Variants in EIF2AK4 observed in about 807,000 individuals in gnomAD.
The protein encoded by EIF2AK4 is eukaryotic translation initiation factor 2 alpha kinase 4.
EIF2AK4 carries 139 observed loss-of-function variants against 211.1 expected under a neutral mutation model. The ratio of observed to expected loss-of-function variants is 0.66; its 90% confidence interval spans 0.57 to 0.76. The LOEUF (loss-of-function observed/expected upper bound fraction) is 0.76, where lower values mean the gene tolerates loss of function less well. Ranked by LOEUF, EIF2AK4 falls within the 30% of genes least tolerant of loss-of-function variation. EIF2AK4 has a pLI of 0.00. For missense variants in EIF2AK4, 1,664 were observed against 2,043.8 expected (o/e 0.81, Z 3.58); for synonymous variants, 710 against 751.3 (o/e 0.94, Z 0.90).
rs754666658 is a variant in EIF2AK4, at chr15:39,953,863, T to C, written c.514-41T>C. 15 of 1,588,002 alleles carry C rather than the reference T, an allele frequency of 9.4e-6. No homozygotes were observed. In the South Asian group the frequency reaches 1.7e-4, roughly 18 times the overall value. On this transcript the variant is annotated intron_variant, in intron 4 of 38. Coordinates refer to ENST00000263791, the MANE Select transcript of EIF2AK4 (RefSeq NM_001013703.4). ...TTCCATAATTTATATGTTGTATGGG[T>C]TTCAGAGATTGGCATTTGATGATGG... is the stretch of plus-strand genomic sequence containing the variant.
At chr15:40,009,562 G>T in intron 25 of EIF2AK4, 52 bp from the exon 26 acceptor site, 1 of 1,154,290 alleles carries the variant, frequency 8.7e-7, no homozygotes, top group South Asian at 1.4e-5. Context: ...ATTTGGTCAT[G>T]TACCAGTAAT....
rs781092853 is a variant in EIF2AK4, at chr15:39,992,218, C to T, written c.2675C>T (p.Ser892Leu). The change falls in exon 17 of 39, where the codon TCA (serine) becomes TTA (leucine). Residue 892 changes from serine to leucine, a missense_variant. Coordinates refer to ENST00000263791, the MANE Select transcript of EIF2AK4 (RefSeq NM_001013703.4). The stretch of plus-strand genomic sequence containing the variant: ...GATCAGACAGGAGACTTGATTAAGT[C>T]AGACCCTTCAGGTAAACCCAGAAGA... The part of the protein sequence containing the change: ...QDDQTGDLIK[S>L]DPSGHLTGMV... 1.2e-6 allele frequency: 2 copies of T among 1,611,302 alleles called. No homozygotes were observed. The highest frequency in any genetic ancestry group is 1.7e-6 in the Non-Finnish European group (2 of 1,178,710).
chr15:39,990,921 C>T (rs914163607), intron 16 of EIF2AK4, among the ~76,000 whole-genome samples: 26 of 152,180 alleles, frequency 1.7e-4, no homozygotes, highest in African/African-American at 5.8e-4. Context: ...CCGGGGTAAG[C>T]AGACTTGGCT....
In EIF2AK4 at chr15:40,022,637, T is replaced by C. The variant is rs371892376; in HGVS notation, c.4389+32T>C. 45 of 1,601,362 alleles carry C rather than the reference T, an allele frequency of 2.8e-5. No homozygotes were observed. The African/African-American group carries it at 5.8e-4, about 20-fold the overall frequency. On this transcript the variant is annotated intron_variant, in intron 32 of 38. Coordinates refer to ENST00000263791, the MANE Select transcript of EIF2AK4 (RefSeq NM_001013703.4). The stretch of plus-strand genomic sequence containing the variant: ...ACGTCAGAGATTTTTTACAATTCAA[T>C]AGTTAGGTGTTACCTGTGGAGCACC...
rs754671409 is a variant in EIF2AK4 at position 39,976,768 on chromosome 15, GCCA to G, written c.2176_2178del (p.Thr726del). The G allele has an allele frequency of 1.9e-6, 3 of 1,594,306 alleles. No individual in the cohort carries two copies. The highest frequency in any genetic ancestry group is 8.5e-7 in the Non-Finnish European group (1 of 1,173,450). ...GCGCTCGGCCAGTGCCCGTTTCCCC[GCCA>G]CCGGCCCGGGCTCCAGCGATGACGA... On this transcript the variant is annotated inframe_deletion, in exon 12 of 39. Coordinates refer to ENST00000263791, the MANE Select transcript of EIF2AK4 (RefSeq NM_001013703.4).
intron 31 of EIF2AK4, 39 bp from the exon 32 acceptor site, chr15:40,022,480 C>T: frequency 1.9e-6 from 3 of 1,539,604 alleles, no homozygotes; most frequent in Non-Finnish European, 1.8e-6. Context: ...GTTCCAGGTG[C>T]TCTGTGTTTA....
intron 26 of EIF2AK4, among the ~76,000 whole-genome samples, chr15:40,010,515 A>G (rs1034113133): frequency 1.3e-5 from 2 of 152,164 alleles, no homozygotes; most frequent in East Asian, 3.8e-4. Context: ...TTAGTGTTAT[A>G]TTATGATGCT....
intron 1 of EIF2AK4, among the ~76,000 whole-genome samples, chr15:39,935,877 AC>A (rs1425451960): frequency 6.6e-6 from 1 of 152,182 alleles, no homozygotes; most frequent in East Asian, 1.9e-4. Flanking sequence ...GTTATTTTTA[AC>A]CTGAAATGGT....
chr15:39,962,741 A>G (rs1188953345), intron 7 of EIF2AK4, among the ~76,000 whole-genome samples: 3 of 152,158 alleles, frequency 2.0e-5, no homozygotes, highest in African/African-American at 4.8e-5. Flanking sequence ...AGTTTTGTCT[A>G]CTCGTGGCTG....
At chr15:39,938,578 C>T (rs1356500078) in intron 1 of EIF2AK4, among the ~76,000 whole-genome samples, 1 of 152,100 alleles carries the variant, frequency 6.6e-6, no homozygotes, top group African/African-American at 2.4e-5. Context: ...GCCCTGCCTG[C>T]CAGGACATTC....
Position 39,976,762 on chromosome 15 carries a change from T to C in EIF2AK4, c.2167T>C (p.Phe723Leu). 6.3e-7 allele frequency: 1 copy of C among 1,596,484 alleles called. No individual in the cohort carries two copies. Among genetic ancestry groups the C allele is most frequent in the Non-Finnish European group, 8.5e-7 (1 of 1,174,510 alleles). ...GGGCGAGCGCTCGGCCAGTGCCCGTTTCCCCGCCACCGGCCCGGGCTCCAG... is the reference window on the plus strand; with the variant it reads ...GGGCGAGCGCTCGGCCAGTGCCCGTCTCCCCGCCACCGGCCCGGGCTCCAG... ...TSGERSASARFPATGPGSSDD... is the reference protein window; with the variant it reads ...TSGERSASARLPATGPGSSDD... Residue 723 changes from phenylalanine to leucine, a missense_variant, in exon 12 of 39, where the codon TTC (phenylalanine) becomes CTC (leucine). Physicochemically the swap from Phe to Leu is conservative, Grantham distance 22. Transcript: ENST00000263791.
chr15:39,979,070 A>G (rs56319775), intron 13 of EIF2AK4, among the ~76,000 whole-genome samples: 15,181 of 152,308 alleles, frequency 0.1, 881 homozygotes, highest in Middle Eastern at 0.25. Flanking sequence ...GGTAATTTCA[A>G]TGTAACTCTG....
rs1328037723 is a variant in EIF2AK4 at position 40,035,040 on chromosome 15, T to C, written c.4906T>C (p.Phe1636Leu). ...IKVEKKVSVL[F>L]LYSYRDDYYR... Reference sequence around the variant, plus strand: ...TTTCTTTTGCAGGGTGTCTGTGCTATTTCTGTACAGCTATAGAGATGACTA... The same window carrying C: ...TTTCTTTTGCAGGGTGTCTGTGCTACTTCTGTACAGCTATAGAGATGACTA... Residue 1636 changes from phenylalanine to leucine, a missense_variant, in exon 39 of 39, where the codon TTT becomes CTT. Around this residue, in one of 7 missense-constraint regions of EIF2AK4, gnomAD observed 138 missense variants for 165.1 expected, o/e 0.84. Transcript: ENST00000263791. 1.3e-6 allele frequency: 2 copies of C among 1,584,300 alleles called. No homozygotes were observed. The highest frequency in any genetic ancestry group is 8.6e-7 in the Non-Finnish European group (1 of 1,166,568).
chr15:40,015,081 A>G (rs2140941879), intron 27 of EIF2AK4, among the ~76,000 whole-genome samples: 1 of 152,318 alleles, frequency 6.6e-6, no homozygotes, highest in East Asian at 1.9e-4. Flanking sequence ...CATCATTATC[A>G]GCATTTTGGT....
At chr15:39,991,415 G>A (rs1409733646) in intron 16 of EIF2AK4, 1 of 152,258 alleles carries the variant, frequency 6.6e-6, no homozygotes, top group Non-Finnish European at 1.5e-5. Flanking sequence ...GAATCTCACT[G>A]ACCTGGACTA....
Position 39,997,362 on chromosome 15 carries a change from A to G in EIF2AK4, c.2868+297A>G, listed in dbSNP as rs568700786. 3.3e-5 allele frequency among the ~76,000 whole-genome samples: 5 copies of G among 152,350 alleles called. No individual in the cohort carries two copies. The East Asian group carries it at 9.6e-4, about 29-fold the overall frequency. ...ACTGGTCTCTCCACTATGTTTCCAC[A>G]GTGAGGTAAATGGAACCCTACCTCT... On this transcript the variant is annotated intron_variant, in intron 19 of 38. Coordinates refer to ENST00000263791, the MANE Select transcript of EIF2AK4 (RefSeq NM_001013703.4).
chr15:39,967,265 A>G, intron 8 of EIF2AK4, 79 bp from the exon 9 acceptor site: 4 of 1,448,788 alleles, frequency 2.8e-6, no homozygotes, highest in East Asian at 2.4e-5. Context: ...TTGTATGATC[A>G]AATACTTCAC....
chr15:40,030,362 T>G lies in EIF2AK4; in HGVS notation c.4565T>G (p.Leu1522Trp). ...LKGSFSNASGLFEIHGATVVP... is the reference protein window; with the variant it reads ...LKGSFSNASGWFEIHGATVVP... ...TCTGAAACTCTCTTGGTCTCAGGTT[T>G]GTTTGAAATCCATGGAGCAACAGTG... The change falls in exon 35 of 39, where the codon TTG (leucine) becomes TGG (tryptophan). Residue 1522 changes from leucine to tryptophan, a missense_variant. Around this residue, in one of 7 missense-constraint regions of EIF2AK4, gnomAD observed 138 missense variants for 165.1 expected, o/e 0.84. Transcript: ENST00000263791. 1 of 1,613,984 alleles carries G rather than the reference T, an allele frequency of 6.2e-7. No homozygotes were observed. The highest frequency in any genetic ancestry group is 8.5e-7 in the Non-Finnish European group (1 of 1,179,962).
intron 31 of EIF2AK4, chr15:40,021,966 AAC>A (rs1294647393): frequency 1.3e-5 from 2 of 152,200 alleles, no homozygotes; most frequent in African/African-American, 4.8e-5. Context: ...CATTTGACAG[AAC>A]AGTGTCCTCT....
Sources: allele counts gnomAD v4.1 joint callset (sites outside exome capture counted in the v4.1 genomes callset), GRCh38; gene constraint gnomAD v4.1.1; regional missense constraint gnomAD v4.1.1; transcripts MANE v1.5; gene names NCBI Gene and HGNC (gene_info 2026-07-23, HGNC 2026-07-21).